Variants in PTPRT observed in about 807,000 individuals in gnomAD.
The protein encoded by PTPRT is receptor-type tyrosine-protein phosphatase T.
A neutral mutation model predicts 176.8 loss-of-function variants in PTPRT; 56 were observed. The observed-to-expected ratio is 0.32, with a 90% CI of 0.26 to 0.40. The LOEUF is 0.40. Ranked by LOEUF, PTPRT falls within the 10% of genes least tolerant of loss-of-function variation. The pLI is 1.00. For synonymous variants in PTPRT, 783 were observed against 739.0 expected, an observed-to-expected ratio of 1.06 and a Z score of -0.96; for missense variants, 1,540 against 1,908.2, an observed-to-expected ratio of 0.81 and a Z score of 3.60.
At chr20:42,247,701 T>G (rs73120007) in intron 14 of PTPRT, among the ~76,000 whole-genome samples, 3,343 of 152,300 alleles carry the variant, frequency 0.022, 57 homozygotes, top group Non-Finnish European at 0.03. Flanking sequence ...ATAAATGTTT[T>G]GTTTGCTATG....
chr20:42,547,183 T>C (rs1417681472), intron 7 of PTPRT, among the ~76,000 whole-genome samples: 1 of 152,182 alleles, frequency 6.6e-6, no homozygotes, highest in African/African-American at 2.4e-5. Flanking sequence ...CTAACACTTA[T>C]TTAGAAAATT....
At chr20:43,151,124 T>C (rs751638825) in intron 1 of PTPRT, among the ~76,000 whole-genome samples, 2 of 151,740 alleles carry the variant, frequency 1.3e-5, no homozygotes, top group Non-Finnish European at 2.9e-5. Context: ...CTAACCAACA[T>C]GGAGAAACCC....
At chr20:42,184,569 T>TCTTCTTCTTCTTCTTCTTCTA (rs1990671723) in intron 16 of PTPRT, among the ~76,000 whole-genome samples, 1 of 135,696 alleles carries the variant, frequency 7.4e-6, no homozygotes, top group Admixed American at 7.8e-5. Context: ...TTATTCTTCT[T>TCTTCTTCTTCTTCTTCTTCTA]CTTCTTCTTC....
chr20:42,789,149 T>C (rs756141579), intron 3 of PTPRT, among the ~76,000 whole-genome samples: 9 of 152,168 alleles, frequency 5.9e-5, no homozygotes, highest in Non-Finnish European at 1.3e-4. Flanking sequence ...AAATTGAGAC[T>C]TACTGTAAGT....
the PTPRT span, among the ~76,000 whole-genome samples, chr20:42,057,151 A>T: frequency 1.3e-5 from 2 of 152,232 alleles, no homozygotes; most frequent in Admixed American, 1.3e-4. Flanking sequence ...TTTGTTTACC[A>T]TATATGGATA....
chr20:43,064,534 T>C (rs1987606817), intron 1 of PTPRT, among the ~76,000 whole-genome samples: 1 of 152,198 alleles, frequency 6.6e-6, no homozygotes, highest in South Asian at 2.1e-4. Flanking sequence ...CGTTAACACC[T>C]AGCTTATGCA....
rs748491734 is a variant in PTPRT, at chr20:42,115,248, T to C, written c.3050A>G (p.Glu1017Gly). 1 of 1,614,160 alleles carries C rather than the reference T, an allele frequency of 6.2e-7. No homozygotes were observed. Among genetic ancestry groups the C allele is most frequent in the Non-Finnish European group, 8.5e-7 (1 of 1,180,000 alleles). ...GACGTATTCTGCCAGGGGCTCTGTTTCAATCAGGGTGACTTTAATGTCTCC... is the reference window on the plus strand; with the variant it reads ...GACGTATTCTGCCAGGGGCTCTGTTCCAATCAGGGTGACTTTAATGTCTCC... ...VYGDIKVTLI[E>G]TEPLAEYVIR... Residue 1017 changes from glutamate to glycine, a missense_variant, in exon 22 of 31, where the codon GAA becomes GGA. By Grantham distance (98) the Glu-to-Gly change is moderately conservative. This residue lies in a region of PTPRT where 248 missense variants were observed against 356.7 expected (regional missense o/e 0.70). Transcript: ENST00000373187.
intron 7 of PTPRT, among the ~76,000 whole-genome samples, chr20:42,579,731 G>A (rs1028182066): frequency 2.6e-5 from 4 of 152,002 alleles, no homozygotes; most frequent in Admixed American, 1.3e-4. Context: ...TGTTCATATC[G>A]TTTGCCCACT....
intron 7 of PTPRT, among the ~76,000 whole-genome samples, chr20:42,513,032 G>A (rs1242028881): frequency 6.6e-6 from 1 of 151,936 alleles, no homozygotes; most frequent in Non-Finnish European, 1.5e-5. Flanking sequence ...GCTCATTTTT[G>A]TATTTTTAGT....
At chr20:42,618,657 G>A (rs2074127719) in intron 7 of PTPRT, among the ~76,000 whole-genome samples, 1 of 129,526 alleles carries the variant, frequency 7.7e-6, no homozygotes, top group Non-Finnish European at 1.6e-5. Flanking sequence ...AGGATAGTTA[G>A]CTCTTCTTGT....
intron 6 of PTPRT, among the ~76,000 whole-genome samples, chr20:42,706,179 T>C (rs11697200): frequency 4.9e-5 from 6 of 123,554 alleles, no homozygotes; most frequent in East Asian, 4.8e-4. Flanking sequence ...CTCTCTCTGT[T>C]TGTGTGTGTG....
intron 9 of PTPRT, among the ~76,000 whole-genome samples, chr20:42,362,753 G>A (rs2058447618): frequency 6.6e-6 from 1 of 151,984 alleles, no homozygotes; most frequent in Admixed American, 6.6e-5. Context: ...CCAGGTGATG[G>A]GTATATAGAA....
At chr20:42,436,356 C>T (rs979620623) in intron 9 of PTPRT, among the ~76,000 whole-genome samples, 1 of 152,074 alleles carries the variant, frequency 6.6e-6, no homozygotes, top group African/African-American at 2.4e-5. Flanking sequence ...AAAACTATTA[C>T]ATATCAATAA....
intron 1 of PTPRT, among the ~76,000 whole-genome samples, chr20:43,047,658 T>C (rs1433991694): frequency 6.6e-6 from 1 of 151,972 alleles, no homozygotes; most frequent in African/African-American, 2.4e-5. Flanking sequence ...TTTAACATTT[T>C]CCAGGACCTA....
intron 1 of PTPRT, among the ~76,000 whole-genome samples, chr20:43,040,579 C>T (rs893380558): frequency 6.6e-6 from 1 of 152,188 alleles, no homozygotes; most frequent in Non-Finnish European, 1.5e-5. Context: ...GTTCTACTTT[C>T]CCCAGAATGA....
At chr20:42,712,575 T>C (rs1039968039) in intron 6 of PTPRT, among the ~76,000 whole-genome samples, 3 of 152,182 alleles carry the variant, frequency 2.0e-5, no homozygotes, top group Admixed American at 1.3e-4. Flanking sequence ...ACCTTGGTTC[T>C]ATCTCTGAGC....
At chr20:42,720,402 A>C (rs2076286525) in intron 6 of PTPRT, among the ~76,000 whole-genome samples, 1 of 152,214 alleles carries the variant, frequency 6.6e-6, no homozygotes, top group South Asian at 2.1e-4. Context: ...GCATATAAGC[A>C]AGTGATTGCA....
chr20:43,015,150 G>A (rs927564687), intron 1 of PTPRT, among the ~76,000 whole-genome samples: 2 of 152,150 alleles, frequency 1.3e-5, no homozygotes, highest in African/African-American at 2.4e-5. Flanking sequence ...TAACTTGTAC[G>A]CTAAGGCACT....
chr20:43,013,017 G>A (rs1261173536), intron 1 of PTPRT, among the ~76,000 whole-genome samples: 1 of 151,960 alleles, frequency 6.6e-6, no homozygotes, highest in Non-Finnish European at 1.5e-5. Context: ...TGGAAGGACA[G>A]TGTTCCTCAA....
Sources: allele counts gnomAD v4.1 joint callset (sites outside exome capture counted in the v4.1 genomes callset), GRCh38; gene constraint gnomAD v4.1.1; regional missense constraint gnomAD v4.1.1; transcripts MANE v1.5; gene names NCBI Gene and HGNC (gene_info 2026-07-23, HGNC 2026-07-21).